The following SPDYE3 variants were observed in gnomAD, a reference collection of about 807,000 sequenced individuals.
The protein encoded by SPDYE3 is speedy/RINGO cell cycle regulator family member E3.
In SPDYE3, 15 loss-of-function variants were observed where a neutral mutation model predicts 55.0. That is an observed-to-expected ratio of 0.27 (90% CI 0.18 to 0.42). The LOEUF is 0.42. Among genes scored for constraint, SPDYE3 ranks in the 10% least tolerant of loss-of-function variants. The pLI is 1.00. For synonymous variants in SPDYE3, 89 were observed against 229.9 expected (o/e 0.39, Z 5.55); for missense variants, 236 against 576.7 (o/e 0.41, Z 6.05).
Position 100,319,585 on chromosome 7 carries a change from A to G in SPDYE3, c.1367A>G (p.Glu456Gly), listed in dbSNP as rs762023546. ...CTCAGCTATCTGGCCAATGACATGGAGGAGGACGACGAGGCCCCCAAACAA... is the reference window on the plus strand; with the variant it reads ...CTCAGCTATCTGGCCAATGACATGGGGGAGGACGACGAGGCCCCCAAACAA... Reference protein sequence around the residue: ...FLALYLANDMEEDDEAPKQKI... With the variant: ...FLALYLANDMGEDDEAPKQKI... Residue 456 changes from glutamate (E) to glycine (G), a missense_variant, in exon 9 of 11, where the codon GAG becomes GGG. Physicochemically the swap from Glu to Gly is moderately conservative, Grantham distance 98. Coordinates refer to ENST00000332397, the MANE Select transcript of SPDYE3 (RefSeq NM_001004351.5). The G allele has an allele frequency of 1.9e-6, 3 of 1,614,180 alleles. No homozygotes were observed.
At chr7:100,311,532 A>T (rs115539152) in intron 3 of SPDYE3, among the ~76,000 whole-genome samples, 2 of 138,686 alleles carry the variant, frequency 1.4e-5, no homozygotes, top group East Asian at 3.9e-4. Flanking sequence ...GGACCAGGGA[A>T]GGATATGACG....
In SPDYE3 at chr7:100,307,706, G is replaced by C; in HGVS notation, c.-180G>C. The C allele has an allele frequency of 7.2e-7, 1 of 1,390,386 alleles. No individual in the cohort carries two copies. The highest frequency in any genetic ancestry group is 9.4e-7 in the Non-Finnish European group (1 of 1,059,428). The allele number at this position is 1,390,386 out of a possible 1,614,324, so 86.1% of individuals were successfully genotyped here. A position where few individuals can be genotyped will look rare whatever the true frequency, so the allele number is the denominator to read the frequency against. ...TTCCTGATTGGAAGGACCGGACTCT[G>C]TCGGCGCCTGGCAGTTCAGGTGAAC... On this transcript the variant is annotated 5_prime_UTR_variant, in exon 1 of 11. Transcript: ENST00000332397.
rs771992167 is a variant in SPDYE3, at chr7:100,319,641, C to T, written c.1423C>T (p.His475Tyr). ...CTTCTACTTCCTGTACGGGAAGACCCACTCTCACATACCCTTGCGCCCTAA... is the reference window on the plus strand; with the variant it reads ...CTTCTACTTCCTGTACGGGAAGACCTACTCTCACATACCCTTGCGCCCTAA... ...KIFYFLYGKT[H>Y]SHIPLRPKHW... Residue 475 changes from histidine (H) to tyrosine (Y), a missense_variant, in exon 9 of 11, where the codon CAC (histidine) becomes TAC (tyrosine). By Grantham distance (83) the His-to-Tyr change is moderately conservative (BLOSUM62 2). Coordinates refer to ENST00000332397, the MANE Select transcript of SPDYE3 (RefSeq NM_001004351.5). 6.2e-7 allele frequency: 1 copy of T among 1,614,238 alleles called. No individual in the cohort carries two copies.
chr7:100,308,084 CTT>C, intron 1 of SPDYE3, 93 bp downstream of exon 1: 1 of 1,414,162 alleles, frequency 7.1e-7, no homozygotes, highest in Non-Finnish European at 9.3e-7. Flanking sequence ...AACACCAACA[CTT>C]TGGGAGGCCG....
rs185378062 is a variant in SPDYE3 at position 100,318,169 on chromosome 7, A to G, written c.1346+1014A>G. Among the ~76,000 whole-genome samples, 584 of 152,158 alleles carry G rather than the reference A, an allele frequency of 3.8e-3. 5 individuals carry two copies. Among genetic ancestry groups the G allele is most frequent in the African/African-American group, 0.013 (558 of 41,468 alleles). The stretch of plus-strand genomic sequence containing the variant: ...CCTCTGGGTTCCCGTGACAGAGGTC[A>G]CAGTCCAGGTCCCCCTTGCATCACT... On this transcript the variant is annotated intron_variant, in intron 8 of 10. Transcript: ENST00000332397.
intron 2 of SPDYE3, among the ~76,000 whole-genome samples, chr7:100,309,694 C>A (rs1343413143): frequency 9.0e-6 from 1 of 111,676 alleles, no homozygotes; most frequent in Non-Finnish European, 1.8e-5. Flanking sequence ...GCACTCCAGT[C>A]TGGGTGAGAG....
intron 7 of SPDYE3, among the ~76,000 whole-genome samples, chr7:100,316,721 GTC>G (rs1806113564): frequency 2.6e-5 from 4 of 152,116 alleles, no homozygotes; most frequent in Non-Finnish European, 5.9e-5. Context: ...TCTGGCTGCA[GTC>G]CTGAAGCTCC....
In SPDYE3 at chr7:100,321,424, G is replaced by A. The variant is rs924655654; in HGVS notation, c.*579G>A. The A allele has an allele frequency of 2.9e-4, 68 of 230,744 alleles. No homozygotes were observed. The highest frequency in any genetic ancestry group is 1.5e-3 in the African/African-American group (64 of 42,542). The allele number at this position is 230,744 out of a possible 1,614,324, so 14.3% of individuals were successfully genotyped here. On this transcript the variant is annotated 3_prime_UTR_variant, in exon 11 of 11. Transcript: ENST00000332397. ...ATTGTTGTACTTTTGAAAACATGCT[G>A]TTCCTGTAGAGTTTTTTGATGAGAG...
At chr7:100,320,178 C>A (rs1213334622) in intron 10 of SPDYE3, 143 bp downstream of exon 10, 1 of 1,467,186 alleles carries the variant, frequency 6.8e-7, no homozygotes. Context: ...ATTAGCCAGG[C>A]GATGTGGGAG....
At chr7:100,320,645 C>T in intron 10 of SPDYE3, 2 of 1,055,466 alleles carry the variant, frequency 1.9e-6, no homozygotes, top group Non-Finnish European at 2.4e-6. Context: ...ACCCAAAGTC[C>T]TCGCTATGAA....
At position 100,309,577 on chromosome 7, in the gene SPDYE3, T is replaced by G. The variant is rs1327856856; in HGVS notation, c.325+385T>G. On this transcript the variant is annotated intron_variant, in intron 2 of 10. Coordinates refer to ENST00000332397, the MANE Select transcript of SPDYE3 (RefSeq NM_001004351.5). Reference sequence around the variant, plus strand: ...TCTGCGTCAAAAGAAAAACCAAGGCTGGGCACAGTAGCTCATGCCTGTAGT... The same window carrying G: ...TCTGCGTCAAAAGAAAAACCAAGGCGGGGCACAGTAGCTCATGCCTGTAGT... 8.7e-5 allele frequency among the ~76,000 whole-genome samples: 12 copies of G among 138,168 alleles called. No individual in the cohort carries two copies. In the East Asian group the frequency reaches 2.2e-3, roughly 25 times the overall value. 90.6% of individuals were successfully genotyped at this position (138,168 alleles called of 152,430 possible). A position where few individuals can be genotyped will look rare whatever the true frequency, so the allele number is the denominator to read the frequency against.
At chr7:100,319,352 G>T (rs1341706791) in intron 8 of SPDYE3, among the ~76,000 whole-genome samples, 3 of 152,180 alleles carry the variant, frequency 2.0e-5, no homozygotes, top group African/African-American at 7.2e-5. Flanking sequence ...TTGGTCACCA[G>T]TTGGGTTTTT....
Position 100,307,823 on chromosome 7 carries a change from A to G in SPDYE3, c.-63A>G, listed in dbSNP as rs970144254. 1 of 1,528,080 alleles carries G rather than the reference A, an allele frequency of 6.5e-7. No individual in the cohort carries two copies. The allele number at this position is 1,528,080 out of a possible 1,614,324, so 94.7% of individuals were successfully genotyped here. ...TCTTCTGGATCCCAGCAGTGTCCAG[A>G]AGAAGACCAAGGACAGAACAGAGAC... On this transcript the variant is annotated 5_prime_UTR_variant, in exon 1 of 11. Coordinates refer to ENST00000332397, the MANE Select transcript of SPDYE3 (RefSeq NM_001004351.5).
chr7:100,316,359 T>G (rs1806106339), intron 7 of SPDYE3, among the ~76,000 whole-genome samples: 1 of 152,202 alleles, frequency 6.6e-6, no homozygotes, highest in Non-Finnish European at 1.5e-5. Context: ...TACAGTGGCA[T>G]GATCATAGCT....
chr7:100,311,600 G>A (rs1212117650), intron 3 of SPDYE3, 150 bp from the exon 4 acceptor site: 2 of 568,414 alleles, frequency 3.5e-6, no homozygotes, highest in Non-Finnish European at 6.3e-6. Context: ...GGCACATGGG[G>A]TTGAGCAGAG....
intron 3 of SPDYE3, among the ~76,000 whole-genome samples, chr7:100,311,523 G>GC (rs2129960637): frequency 7.2e-6 from 1 of 139,456 alleles, no homozygotes; most frequent in Admixed American, 7.0e-5. Flanking sequence ...GAGAGCCAGG[G>GC]ACCAGGGAAG....
At chr7:100,315,696 C>A in intron 6 of SPDYE3, 89 bp from the exon 7 acceptor site, 8 of 1,590,028 alleles carry the variant, frequency 5.0e-6, no homozygotes, top group Non-Finnish European at 6.0e-6. Context: ...GAGACTTTCC[C>A]CCGGGAGGCA....
At chr7:100,317,252 G>C (rs1240604374) in intron 8 of SPDYE3, 97 bp downstream of exon 8, 1 of 1,285,092 alleles carries the variant, frequency 7.8e-7, no homozygotes, top group Non-Finnish European at 1.1e-6. Flanking sequence ...TCACCTATTT[G>C]TCCTCTTTAC....
At chr7:100,309,756 G>C (rs1805917037) in intron 2 of SPDYE3, among the ~76,000 whole-genome samples, 1 of 144,770 alleles carries the variant, frequency 6.9e-6, no homozygotes, top group Non-Finnish European at 1.5e-5. Context: ...AAAAAGAAGG[G>C]TCAGAGGTCA....
Sources: gnomAD v4.1 joint callset for allele counts (sites outside exome capture counted in the v4.1 genomes callset) on GRCh38, gnomAD v4.1.1 for gene constraint, MANE v1.5 for transcripts, NCBI Gene and HGNC (gene_info 2026-07-23, HGNC 2026-07-21) for gene names.